KLF12: variants seen among roughly 807,000 people sequenced by gnomAD.
The protein encoded by KLF12 is Krueppel-like factor 12.
KLF12 carries 9 observed loss-of-function variants against 37.8 expected under a neutral mutation model. That is an observed-to-expected ratio of 0.24 (90% CI 0.14 to 0.42). The LOEUF is 0.42. Ranked by LOEUF, KLF12 falls within the 10% of genes least tolerant of loss-of-function variation. The pLI is 1.00. For missense variants in KLF12, 411 were observed against 516.0 expected, an observed-to-expected ratio of 0.80 and a Z score of 1.97; for synonymous variants, 208 against 202.1, an observed-to-expected ratio of 1.03 and a Z score of -0.25.
At chr13:73,906,577 T>G (rs1337353915) in intron 3 of KLF12, among the ~76,000 whole-genome samples, 1 of 152,240 alleles carries the variant, frequency 6.6e-6, no homozygotes, top group Non-Finnish European at 1.5e-5. Context: ...GTGGTTCATC[T>G]TTTATTTCTT....
chr13:74,252,524 T>A, the KLF12 span, among the ~76,000 whole-genome samples: 1 of 152,208 alleles, frequency 6.6e-6, no homozygotes, highest in Admixed American at 6.5e-5. Context: ...GATTCCATGT[T>A]CCTCATTTGG....
chr13:73,797,780 A>T (rs965695153), intron 5 of KLF12, among the ~76,000 whole-genome samples: 1 of 151,638 alleles, frequency 6.6e-6, no homozygotes. Flanking sequence ...AAAAAAAAAA[A>T]AAAAAAAAAA....
At chr13:73,848,767 A>C (rs536175891) in intron 3 of KLF12, among the ~76,000 whole-genome samples, 6 of 152,230 alleles carry the variant, frequency 3.9e-5, no homozygotes, top group South Asian at 4.2e-4. Flanking sequence ...CACAAAAATA[A>C]GGAAGAATAA....
chr13:73,718,020 G>A (rs773073115), intron 6 of KLF12, among the ~76,000 whole-genome samples: 49 of 152,170 alleles, frequency 3.2e-4, no homozygotes, highest in Non-Finnish European at 4.7e-4. Context: ...TTAAAAGTGA[G>A]AAAATGATAG....
At chr13:73,919,438 G>C (rs1045455639) in intron 3 of KLF12, among the ~76,000 whole-genome samples, 2 of 152,122 alleles carry the variant, frequency 1.3e-5, no homozygotes, top group African/African-American at 4.8e-5. Flanking sequence ...TCCTGCTGCT[G>C]ATCTTGATAC....
chr13:74,193,560 T>G, the KLF12 span, among the ~76,000 whole-genome samples: 1 of 152,224 alleles, frequency 6.6e-6, no homozygotes, highest in East Asian at 1.9e-4. Flanking sequence ...AGCCTGAGAT[T>G]CTGTGTGTTT....
At chr13:74,099,134 G>A (rs942510637) in intron 1 of KLF12, among the ~76,000 whole-genome samples, 2 of 152,114 alleles carry the variant, frequency 1.3e-5, no homozygotes, top group African/African-American at 4.8e-5. Context: ...GATCGCTTGA[G>A]GCCAGTAGTT....
intron 5 of KLF12, among the ~76,000 whole-genome samples, chr13:73,774,189 T>G (rs1880440738): frequency 6.6e-6 from 1 of 152,034 alleles, no homozygotes; most frequent in South Asian, 2.1e-4. Flanking sequence ...AGTAGTCTTA[T>G]TTTACCTAAA....
chr13:73,965,261 C>A (rs183578602), intron 2 of KLF12, among the ~76,000 whole-genome samples: 1 of 152,236 alleles, frequency 6.6e-6, no homozygotes, highest in East Asian at 1.9e-4. Flanking sequence ...ATTAAAAATA[C>A]ATTATCCCAT....
intron 3 of KLF12, among the ~76,000 whole-genome samples, chr13:73,942,863 G>A (rs960492637): frequency 2.0e-5 from 3 of 152,108 alleles, no homozygotes; most frequent in Non-Finnish European, 2.9e-5. Context: ...GGCTTACACT[G>A]AAAAACAGAA....
At chr13:73,802,558 T>A (rs1173948430) in intron 5 of KLF12, among the ~76,000 whole-genome samples, 2 of 152,166 alleles carry the variant, frequency 1.3e-5, no homozygotes, top group Admixed American at 6.5e-5. Context: ...TGGGGTACAA[T>A]TGATCCCATC....
the KLF12 span, among the ~76,000 whole-genome samples, chr13:74,202,219 A>G: frequency 6.6e-6 from 1 of 152,184 alleles, no homozygotes; most frequent in African/African-American, 2.4e-5. Context: ...GAGGCAGTGC[A>G]GGGAGAAAGA....
At chr13:73,904,707 C>T (rs180725505) in intron 3 of KLF12, among the ~76,000 whole-genome samples, 10 of 151,968 alleles carry the variant, frequency 6.6e-5, no homozygotes, top group African/African-American at 9.6e-5. Context: ...TACCATTGTA[C>T]GAGCAACATG....
chr13:73,865,792 A>G (rs1262558330), intron 3 of KLF12, among the ~76,000 whole-genome samples: 2 of 152,222 alleles, frequency 1.3e-5, no homozygotes, highest in Non-Finnish European at 2.9e-5. Context: ...TACAAAACCA[A>G]ACAAAAACCT....
At chr13:74,189,241 G>A in the KLF12 span, among the ~76,000 whole-genome samples, 129,846 of 152,160 alleles carry the variant, frequency 0.85, 55,910 homozygotes, top group East Asian at 1. Context: ...GCAGTACATA[G>A]AGGAATTATA....
At chr13:74,188,049 T>G in the KLF12 span, among the ~76,000 whole-genome samples, 1 of 152,180 alleles carries the variant, frequency 6.6e-6, no homozygotes, top group African/African-American at 2.4e-5. Context: ...ATGTAGAACA[T>G]GCTTATTATA....
chr13:74,022,600 T>C (rs754979405), intron 1 of KLF12, among the ~76,000 whole-genome samples: 2 of 151,210 alleles, frequency 1.3e-5, no homozygotes, highest in African/African-American at 4.9e-5. Context: ...TTCCTTCATG[T>C]GGGCCCAAGA....
chr13:73,961,229 G>A (rs913164153), intron 2 of KLF12, among the ~76,000 whole-genome samples: 8 of 152,108 alleles, frequency 5.3e-5, no homozygotes, highest in Non-Finnish European at 1.5e-5. Context: ...ATTATGAAGA[G>A]GACTGTGTTC....
At chr13:73,965,991 CTTT>C (rs1386590724) in intron 2 of KLF12, among the ~76,000 whole-genome samples, 2 of 152,148 alleles carry the variant, frequency 1.3e-5, no homozygotes, top group African/African-American at 4.8e-5. Flanking sequence ...ATGCATGTAC[CTTT>C]CAATCTAGCA....
Sources: gnomAD v4.1 joint callset for allele counts (sites outside exome capture counted in the v4.1 genomes callset) on GRCh38, gnomAD v4.1.1 for gene constraint, MANE v1.5 for transcripts, NCBI Gene and HGNC (gene_info 2026-07-23, HGNC 2026-07-21) for gene names.